SCAMP1: variants seen among roughly 807,000 people sequenced by gnomAD.
The protein encoded by SCAMP1 is secretory carrier membrane protein 1.
A neutral mutation model predicts 41.8 loss-of-function variants in SCAMP1; 15 were observed. The observed-to-expected ratio is 0.36, with a 90% CI of 0.24 to 0.55. SCAMP1 has a LOEUF of 0.55. Ranked by LOEUF, SCAMP1 falls within the 20% of genes least tolerant of loss-of-function variation. The pLI is 0.86. For missense variants in SCAMP1, 341 were observed against 412.6 expected (o/e 0.83, Z 1.50); for synonymous variants, 135 against 136.8 (o/e 0.99, Z 0.09).
At chr5:78,365,955 A>G (rs1750784389) in intron 1 of SCAMP1, among the ~76,000 whole-genome samples, 1 of 152,162 alleles carries the variant, frequency 6.6e-6, no homozygotes, top group Non-Finnish European at 1.5e-5. Flanking sequence ...GTAACAAAGT[A>G]TAGTACCTCA....
At chr5:78,394,010 C>T (rs1046450217) in intron 2 of SCAMP1, among the ~76,000 whole-genome samples, 53 of 152,108 alleles carry the variant, frequency 3.5e-4, no homozygotes, top group African/African-American at 1.3e-3. Flanking sequence ...AGTTTACTGT[C>T]ATGTTTCTTT....
chr5:78,452,584 A>G lies in SCAMP1; in HGVS notation c.734+2550A>G, dbSNP rs1474149711. 4.1e-4 allele frequency among the ~76,000 whole-genome samples: 61 copies of G among 147,728 alleles called. 1 individual carries two copies. Among genetic ancestry groups the G allele is most frequent in the Admixed American group, 4.0e-3 (59 of 14,732 alleles). On this transcript the variant is annotated intron_variant, in intron 7 of 8. Coordinates refer to ENST00000621999, the MANE Select transcript of SCAMP1 (RefSeq NM_004866.6). ...GTGCCACATTTTCTTAATCCAGTCT[A>G]TCATTGTTGGACATTTGGGTTGGTT... is the stretch of plus-strand genomic sequence containing the variant.
At chr5:78,439,830 TC>T (rs2112185450) in intron 6 of SCAMP1, among the ~76,000 whole-genome samples, 2 of 152,348 alleles carry the variant, frequency 1.3e-5, no homozygotes, top group East Asian at 3.9e-4. Context: ...GGTTCCATTT[TC>T]CCCGTCACTT....
At chr5:78,418,034 T>G (rs968925184) in intron 4 of SCAMP1, among the ~76,000 whole-genome samples, 1 of 152,172 alleles carries the variant, frequency 6.6e-6, no homozygotes, top group African/African-American at 2.4e-5. Context: ...TTTAATTTTT[T>G]ATTTCCCCCA....
intron 2 of SCAMP1, among the ~76,000 whole-genome samples, chr5:78,393,913 G>T (rs1229627573): frequency 1.3e-5 from 2 of 152,058 alleles, no homozygotes; most frequent in Non-Finnish European, 2.9e-5. Context: ...TTTTTTTGGT[G>T]GGTATTGAAG....
intron 6 of SCAMP1, among the ~76,000 whole-genome samples, chr5:78,423,028 A>G (rs1405742037): frequency 1.3e-3 from 15 of 11,716 alleles, no homozygotes; most frequent in East Asian, 8.2e-3. Context: ...ACACACACAC[A>G]CACACACACA....
At chr5:78,410,908 C>CT (rs368549326) in intron 2 of SCAMP1, among the ~76,000 whole-genome samples, 146 of 152,046 alleles carry the variant, frequency 9.6e-4, no homozygotes, top group African/African-American at 3.2e-3. Flanking sequence ...TGATGTTGAG[C>CT]TTTTTTTTCA....
chr5:78,376,394 A>C lies in SCAMP1; in HGVS notation c.58-12443A>C, dbSNP rs142221822. Among the ~76,000 whole-genome samples, 366 of 152,360 alleles carry C rather than the reference A, an allele frequency of 2.4e-3. 9 individuals are homozygous for C. The highest frequency in any genetic ancestry group is 7.1e-4 in the Non-Finnish European group (48 of 68,030). On this transcript the variant is annotated intron_variant, in intron 1 of 8. Transcript: ENST00000621999. ...GGTGGCTACCATATTTACAGGTAGC[A>C]CAGGTGTATAGCACATCTATAAAAT...
intron 6 of SCAMP1, among the ~76,000 whole-genome samples, chr5:78,448,195 TTTTG>T (rs1316527622): frequency 7.5e-6 from 1 of 133,686 alleles, no homozygotes; most frequent in Admixed American, 7.9e-5. Flanking sequence ...TTTTGTTTTT[TTTTG>T]TTTTTTTTTA....
At chr5:78,360,782 A>T in intron 1 of SCAMP1, 54 bp downstream of exon 1, 1 of 1,531,534 alleles carries the variant, frequency 6.5e-7, no homozygotes, top group Non-Finnish European at 8.9e-7. Context: ...TGTTTGTGAA[A>T]ACGGACGAGT....
intron 6 of SCAMP1, among the ~76,000 whole-genome samples, chr5:78,434,308 ATCTC>A (rs1449424122): frequency 9.2e-5 from 14 of 152,186 alleles, no homozygotes; most frequent in African/African-American, 3.4e-4. Context: ...CTAGTCTTTT[ATCTC>A]TCTTTGAGTT....
intron 7 of SCAMP1, among the ~76,000 whole-genome samples, chr5:78,452,392 T>G (rs1477544182): frequency 3.0e-5 from 4 of 132,730 alleles, no homozygotes; most frequent in African/African-American, 8.6e-5. Context: ...CCTGTGTCCA[T>G]GTGATCTCAT....
chr5:78,460,816 C>CTTTCTTTCTTTCTTT (rs1325107681), intron 8 of SCAMP1, among the ~76,000 whole-genome samples: 4 of 26,822 alleles, frequency 1.5e-4, no homozygotes, highest in South Asian at 3.9e-3. Context: ...TCCCTTCCTT[C>CTTTCTTTCTTTCTTT]CTTCCTTTCT....
chr5:78,395,702 C>T (rs570854119), intron 2 of SCAMP1, among the ~76,000 whole-genome samples: 1 of 152,300 alleles, frequency 6.6e-6, no homozygotes, highest in Admixed American at 6.5e-5. Flanking sequence ...AGCTGGAGGC[C>T]AACCATTGAT....
At chr5:78,421,746 A>G (rs1373902421) in intron 5 of SCAMP1, 55 bp from the exon 6 acceptor site, 1 of 1,479,230 alleles carries the variant, frequency 6.8e-7, no homozygotes, top group Non-Finnish European at 9.3e-7. Flanking sequence ...TGTTGGATGA[A>G]TTCATAAATT....
chr5:78,370,858 T>A (rs1416384452), intron 1 of SCAMP1: 1 of 152,218 alleles, frequency 6.6e-6, no homozygotes, highest in African/African-American at 2.4e-5. Flanking sequence ...CTGTTTTTTA[T>A]TCTAGTCATC....
chr5:78,361,383 A>T (rs534370554), intron 1 of SCAMP1, among the ~76,000 whole-genome samples: 1 of 152,198 alleles, frequency 6.6e-6, no homozygotes, highest in African/African-American at 2.4e-5. Context: ...CTGGAAAACA[A>T]TAGTGCACGT....
chr5:78,384,566 G>A (rs559436169), intron 1 of SCAMP1, among the ~76,000 whole-genome samples: 69 of 152,050 alleles, frequency 4.5e-4, no homozygotes, highest in South Asian at 2.3e-3. Context: ...AGTTTTCCCC[G>A]TTCAGTGTAA....
At chr5:78,442,232 A>G (rs1752942687) in intron 6 of SCAMP1, among the ~76,000 whole-genome samples, 1 of 152,188 alleles carries the variant, frequency 6.6e-6, no homozygotes, top group African/African-American at 2.4e-5. Flanking sequence ...TCAGATAGGT[A>G]TCATGGAGGC....
Sources: allele counts gnomAD v4.1 joint callset (sites outside exome capture counted in the v4.1 genomes callset), GRCh38; gene constraint gnomAD v4.1.1; transcripts MANE v1.5; gene names NCBI Gene and HGNC (gene_info 2026-07-23, HGNC 2026-07-21).